EPHB2: variants seen among roughly 807,000 people sequenced by gnomAD.
The protein encoded by EPHB2 is EPH receptor B2.
Under a neutral mutation model 96.4 loss-of-function variants are expected in EPHB2, and 18 were observed. The observed-to-expected ratio is 0.19, with a 90% CI of 0.13 to 0.28. The LOEUF (loss-of-function observed/expected upper bound fraction) is 0.28, where lower values mean the gene tolerates loss of function less well. Ranked by LOEUF, EPHB2 falls within the 10% of genes least tolerant of loss-of-function variation. The pLI is 1.00. For missense variants in EPHB2, 989 were observed against 1,355.4 expected, an observed-to-expected ratio of 0.73 and a Z score of 4.25; for synonymous variants, 506 against 534.1, an observed-to-expected ratio of 0.95 and a Z score of 0.72.
At chr1:22,820,388 C>T (rs181976423) in intron 3 of EPHB2, among the ~76,000 whole-genome samples, 7 of 152,150 alleles carry the variant, frequency 4.6e-5, no homozygotes, top group Non-Finnish European at 8.8e-5. Flanking sequence ...TTGCTGAGCG[C>T]GGTGGCTCAC....
Position 22,913,551 on chromosome 1 carries a change from T to A in EPHB2, c.2942T>A (p.Ile981Asn). The A allele has an allele frequency of 6.2e-7, 1 of 1,614,126 alleles. No homozygotes were observed. The highest frequency in any genetic ancestry group is 2.2e-5 in the East Asian group (1 of 44,876). The part of the protein sequence containing the change: ...IQVMRAQMNQ[I>N]QSVEV ...GTGATGCGGGCGCAGATGAACCAGA[T>A]TCAGTCTGTGGAGGTTTGACATTCA... Residue 981 changes from isoleucine to asparagine, a missense_variant, in exon 16 of 16, where the codon ATT becomes AAT. Physicochemically the swap from Ile to Asn is moderately radical, Grantham distance 149. Coordinates refer to ENST00000374630, the MANE Select transcript of EPHB2 (RefSeq NM_017449.5). The surrounding 1 kb of genome is among the most constrained non-coding windows in gnomAD (Gnocchi z 4.1).
intron 6 of EPHB2, among the ~76,000 whole-genome samples, chr1:22,883,173 C>T (rs1429963497): frequency 6.6e-6 from 1 of 152,224 alleles, no homozygotes; most frequent in African/African-American, 2.4e-5. Context: ...GTGGGTGAGA[C>T]CCCTCGCGGG....
chr1:22,908,949 G>T lies in EPHB2; in HGVS notation c.2353-73G>T. On this transcript the variant is annotated intron_variant, in intron 12 of 15. Transcript: ENST00000374630. ...GAGATTGGGGCATCACAGGGCACAG[G>T]GTGGGAGGATTAAGAGAAGAGGTCA... is the stretch of plus-strand genomic sequence containing the variant. 2.5e-6 allele frequency: 4 copies of T among 1,595,714 alleles called. 1 individual carries two copies. Among genetic ancestry groups the T allele is most frequent in the South Asian group, 2.2e-5 (2 of 89,082 alleles).
At chr1:22,878,244 G>A (rs1638909844) in intron 5 of EPHB2, among the ~76,000 whole-genome samples, 1 of 152,218 alleles carries the variant, frequency 6.6e-6, no homozygotes, top group African/African-American at 2.4e-5. Context: ...GAACTCCCAG[G>A]GAGAAGTGTG....
intron 1 of EPHB2, among the ~76,000 whole-genome samples, chr1:22,728,477 G>T (rs185136238): frequency 4.9e-4 from 75 of 152,352 alleles, no homozygotes; most frequent in African/African-American, 1.6e-3. Flanking sequence ...GCTTTGTGGG[G>T]CCCCACAGCC....
At chr1:22,755,596 G>A (rs1644136871) in intron 1 of EPHB2, among the ~76,000 whole-genome samples, 1 of 152,168 alleles carries the variant, frequency 6.6e-6, no homozygotes, top group Non-Finnish European at 1.5e-5. Flanking sequence ...TTCTGGGGGA[G>A]CTAGATGCAC....
intron 2 of EPHB2, 97 bp downstream of exon 2, chr1:22,781,582 C>G (rs1170290983): frequency 7.9e-7 from 1 of 1,266,470 alleles, no homozygotes; most frequent in African/African-American, 1.5e-5. Flanking sequence ...CCCCTTTCCC[C>G]CTCTTCAGGA....
chr1:22,731,846 A>T (rs934484760), intron 1 of EPHB2, among the ~76,000 whole-genome samples: 1 of 152,190 alleles, frequency 6.6e-6, no homozygotes, highest in Admixed American at 6.5e-5. Flanking sequence ...TCTCAAACAA[A>T]ACAAAACAAC....
At position 22,790,311 on chromosome 1, in the gene EPHB2, C is replaced by T. The variant is rs1644672812; in HGVS notation, c.811+5235C>T. 6.6e-6 allele frequency among the ~76,000 whole-genome samples: 1 copy of T among 151,984 alleles called. No individual in the cohort carries two copies. Among genetic ancestry groups the T allele is most frequent in the Admixed American group, 6.6e-5 (1 of 15,260 alleles). ...TCACCTGTTCATTTTTTATCGCATG[C>T]CTAATCGGGGTCTACACTGGGCATA... On this transcript the variant is annotated intron_variant, in intron 3 of 15. Transcript: ENST00000374630. This position sits in a 1 kb window ranked among gnomAD's most constrained non-coding sequence, Gnocchi z 4.0.
chr1:22,750,039 C>T (rs567548531), intron 1 of EPHB2, among the ~76,000 whole-genome samples: 1 of 152,276 alleles, frequency 6.6e-6, no homozygotes, highest in East Asian at 1.9e-4. Flanking sequence ...CATTAATAAG[C>T]CCCCAAGGCC....
chr1:22,788,492 A>G (rs560695872), intron 3 of EPHB2, among the ~76,000 whole-genome samples: 5 of 152,340 alleles, frequency 3.3e-5, no homozygotes, highest in Admixed American at 1.3e-4. Flanking sequence ...CAAGCCCCAT[A>G]GGCACTGGCC....
At chr1:22,744,736 G>T (rs1431808279) in intron 1 of EPHB2, among the ~76,000 whole-genome samples, 2 of 146,992 alleles carry the variant, frequency 1.4e-5, no homozygotes, top group Non-Finnish European at 3.0e-5. Context: ...TGCACTTGTA[G>T]TCTCAGCTAT....
chr1:22,743,842 G>A (rs143048706), intron 1 of EPHB2, among the ~76,000 whole-genome samples: 82 of 152,236 alleles, frequency 5.4e-4, no homozygotes, highest in South Asian at 2.1e-3. Flanking sequence ...AGGCCTCCTC[G>A]GCCACCTCTA....
intron 1 of EPHB2, among the ~76,000 whole-genome samples, chr1:22,711,751 C>T (rs1643153724): frequency 5.3e-5 from 8 of 152,236 alleles, no homozygotes; most frequent in Middle Eastern, 3.4e-3. Flanking sequence ...AGCGTGGCGG[C>T]TGGAGCCCCG....
At chr1:22,735,449 A>AAAAG (rs1553159411) in intron 1 of EPHB2, among the ~76,000 whole-genome samples, 1 of 151,556 alleles carries the variant, frequency 6.6e-6, no homozygotes, top group Non-Finnish European at 1.5e-5. Context: ...AAAAAAAAAA[A>AAAAG]AAGAAGAAGA....
chr1:22,779,458 C>T (rs1336109379), intron 1 of EPHB2, among the ~76,000 whole-genome samples: 1 of 152,140 alleles, frequency 6.6e-6, no homozygotes, highest in African/African-American at 2.4e-5. Flanking sequence ...TGACTGGGGT[C>T]ACCTCTGACC....
intron 1 of EPHB2, among the ~76,000 whole-genome samples, chr1:22,738,010 G>A (rs571717577): frequency 4.6e-5 from 7 of 152,124 alleles, no homozygotes; most frequent in Non-Finnish European, 8.8e-5. Flanking sequence ...ACCTAGCCTC[G>A]CAGAGGTCTT....
intron 1 of EPHB2, among the ~76,000 whole-genome samples, chr1:22,747,816 G>A (rs1643998529): frequency 1.3e-5 from 2 of 152,232 alleles, no homozygotes; most frequent in African/African-American, 2.4e-5. Flanking sequence ...GTCTGCCTGG[G>A]GAAAAGGACA....
At chr1:22,839,067 G>A (rs913837174) in intron 3 of EPHB2, among the ~76,000 whole-genome samples, 15 of 152,200 alleles carry the variant, frequency 9.9e-5, no homozygotes, top group African/African-American at 3.6e-4. Flanking sequence ...GAAAAACAAA[G>A]CCCTAAAAAG....
Sources: allele counts gnomAD v4.1 joint callset (sites outside exome capture counted in the v4.1 genomes callset), GRCh38; gene constraint gnomAD v4.1.1; non-coding constraint Gnocchi (gnomAD v3.1); transcripts MANE v1.5; gene names NCBI Gene and HGNC (gene_info 2026-07-23, HGNC 2026-07-21).